The following AKAP6 variants were observed in gnomAD, a reference collection of about 807,000 sequenced individuals.
The protein encoded by AKAP6 is A-kinase anchoring protein 6.
Under a neutral mutation model 188.5 loss-of-function variants are expected in AKAP6, and 58 were observed. The observed-to-expected ratio is 0.31, with a 90% CI of 0.25 to 0.38. AKAP6 has a LOEUF of 0.38. Ranked by LOEUF, AKAP6 falls within the 10% of genes least tolerant of loss-of-function variation. AKAP6 has a pLI of 1.00. For synonymous variants in AKAP6, 989 were observed against 998.6 expected (o/e 0.99, Z 0.18); for missense variants, 2,710 against 2,740.0 (o/e 0.99, Z 0.24).
chr14:32,777,296 A>G (rs1461151584), intron 12 of AKAP6, among the ~76,000 whole-genome samples: 10 of 152,224 alleles, frequency 6.6e-5, no homozygotes, highest in Admixed American at 2.0e-4. Flanking sequence ...CTGACATCCA[A>G]TCTAAACCTA....
intron 9 of AKAP6, among the ~76,000 whole-genome samples, chr14:32,699,542 G>A (rs1424201749): frequency 1.3e-5 from 2 of 152,070 alleles, no homozygotes; most frequent in African/African-American, 4.8e-5. Flanking sequence ...AGTCTCAAGA[G>A]CAACCTAATT....
chr14:32,740,633 C>G (rs1421737903), intron 11 of AKAP6, among the ~76,000 whole-genome samples: 1 of 151,886 alleles, frequency 6.6e-6, no homozygotes, highest in Non-Finnish European at 1.5e-5. Flanking sequence ...GAGACTGTCT[C>G]TTCCACAGTG....
chr14:32,611,054 C>T (rs1402964221), intron 7 of AKAP6, among the ~76,000 whole-genome samples: 1 of 151,874 alleles, frequency 6.6e-6, no homozygotes, highest in Non-Finnish European at 1.5e-5. Context: ...AAAGGCAGGC[C>T]GAGGCAAAGC....
chr14:32,808,735 G>A (rs949097678), intron 12 of AKAP6, among the ~76,000 whole-genome samples: 1 of 152,036 alleles, frequency 6.6e-6, no homozygotes, highest in African/African-American at 2.4e-5. Context: ...AATAAACAAC[G>A]ATGTGTTGAA....
intron 12 of AKAP6, among the ~76,000 whole-genome samples, chr14:32,780,328 T>C (rs958147808): frequency 3.3e-5 from 5 of 151,420 alleles, no homozygotes; most frequent in Admixed American, 2.0e-4. Flanking sequence ...CTCACTTATA[T>C]ATGGAATCTA....
chr14:32,806,064 T>G (rs1170754781), intron 12 of AKAP6, among the ~76,000 whole-genome samples: 1 of 152,190 alleles, frequency 6.6e-6, no homozygotes, highest in Non-Finnish European at 1.5e-5. Context: ...CAAGGATGGT[T>G]CGTTGTATGT....
chr14:32,619,833 A>T (rs1317053920), intron 7 of AKAP6, among the ~76,000 whole-genome samples: 2 of 152,092 alleles, frequency 1.3e-5, no homozygotes, highest in Non-Finnish European at 1.5e-5. Context: ...TGTTTGTGTC[A>T]TCTATGATTT....
intron 1 of AKAP6, among the ~76,000 whole-genome samples, chr14:32,404,326 C>T (rs570355730): frequency 6.6e-6 from 1 of 151,930 alleles, no homozygotes; most frequent in African/African-American, 2.4e-5. Context: ...ATTCTTAATC[C>T]CCACCTTTTG....
At chr14:32,407,866 T>C (rs1371441935) in intron 1 of AKAP6, among the ~76,000 whole-genome samples, 1 of 152,168 alleles carries the variant, frequency 6.6e-6, no homozygotes, top group African/African-American at 2.4e-5. Context: ...GTAGGAGGAA[T>C]GAATCTGGGT....
intron 11 of AKAP6, among the ~76,000 whole-genome samples, chr14:32,744,314 A>T (rs1020696086): frequency 1.3e-5 from 2 of 149,642 alleles, no homozygotes; most frequent in Non-Finnish European, 3.0e-5. Flanking sequence ...TAATTATTTT[A>T]TTTTATTTTA....
chr14:32,374,776 T>A (rs1412428749), intron 1 of AKAP6, among the ~76,000 whole-genome samples: 1 of 152,246 alleles, frequency 6.6e-6, no homozygotes, highest in Non-Finnish European at 1.5e-5. Flanking sequence ...TTTAATCACC[T>A]ATCTATCCCT....
chr14:32,744,776 C>T (rs1329395357), intron 11 of AKAP6, among the ~76,000 whole-genome samples: 1 of 152,044 alleles, frequency 6.6e-6, no homozygotes, highest in African/African-American at 2.4e-5. Flanking sequence ...TTTTCTGGAC[C>T]TTGGAGGCCT....
intron 1 of AKAP6, among the ~76,000 whole-genome samples, chr14:32,363,332 T>G (rs9322900): frequency 0.22 from 32,742 of 151,914 alleles, 3,723 homozygotes; most frequent in East Asian, 0.39. Context: ...AGAGGGATAG[T>G]TCAAATAGGA....
At chr14:32,772,300 A>G (rs552579780) in intron 11 of AKAP6, among the ~76,000 whole-genome samples, 7 of 152,304 alleles carry the variant, frequency 4.6e-5, no homozygotes, top group South Asian at 2.1e-4. Flanking sequence ...CAGGACTTAT[A>G]TAGGAAAATA....
intron 12 of AKAP6, among the ~76,000 whole-genome samples, chr14:32,785,341 T>C (rs912119787): frequency 2.0e-5 from 3 of 152,214 alleles, no homozygotes; most frequent in Non-Finnish European, 4.4e-5. Flanking sequence ...TTTTGAATAA[T>C]TGAAATTTAA....
intron 12 of AKAP6, 139 bp from the exon 13 acceptor site, chr14:32,821,263 G>A: frequency 3.6e-6 from 3 of 842,174 alleles, no homozygotes; most frequent in East Asian, 5.3e-5. Context: ...GAGGAATAGA[G>A]TTGATAATTA....
chr14:32,797,087 C>CA (rs1395668575), intron 12 of AKAP6, among the ~76,000 whole-genome samples: 1 of 152,302 alleles, frequency 6.6e-6, no homozygotes, highest in African/African-American at 2.4e-5. Context: ...GATACCATCT[C>CA]ACGCCAGTCA....
At chr14:32,639,585 C>T (rs899180869) in intron 7 of AKAP6, among the ~76,000 whole-genome samples, 38 of 152,192 alleles carry the variant, frequency 2.5e-4, no homozygotes, top group African/African-American at 8.7e-4. Context: ...GGATTTGTCC[C>T]CTCATGAGGC....
At chr14:32,683,849 C>G (rs1252276316) in intron 8 of AKAP6, among the ~76,000 whole-genome samples, 1 of 152,262 alleles carries the variant, frequency 6.6e-6, no homozygotes, top group East Asian at 1.9e-4. Context: ...ATAAGAGGCT[C>G]TTCCAGTCAT....
Sources: gnomAD v4.1 joint callset for allele counts (sites outside exome capture counted in the v4.1 genomes callset) on GRCh38, gnomAD v4.1.1 for gene constraint, MANE v1.5 for transcripts, NCBI Gene and HGNC (gene_info 2026-07-23, HGNC 2026-07-21) for gene names.